Variants in RALYL observed in about 807,000 individuals in gnomAD.
The protein encoded by RALYL is RALY RNA binding protein like.
RALYL carries 29 observed loss-of-function variants against 35.1 expected under a neutral mutation model. The observed-to-expected ratio is 0.83, with a 90% CI of 0.61 to 1.13. RALYL has a LOEUF of 1.13. Among genes scored for constraint, RALYL ranks in the 50% most tolerant of loss-of-function variants. RALYL has a pLI of 0.00. For synonymous variants in RALYL, 120 were observed against 127.6 expected (o/e 0.94, Z 0.40); for missense variants, 359 against 360.4 (o/e 1.00, Z 0.03).
intron 1 of RALYL, among the ~76,000 whole-genome samples, chr8:84,524,923 A>G (rs570177748): frequency 3.3e-5 from 5 of 151,894 alleles, no homozygotes; most frequent in African/African-American, 7.3e-5. Flanking sequence ...CTAGGTTTGA[A>G]TGAAACATAA....
At position 84,843,415 on chromosome 8, in the gene RALYL, A is replaced by G. The variant is rs1401918870; in HGVS notation, c.366-6565A>G. On this transcript the variant is annotated intron_variant, in intron 4 of 8. Transcript: ENST00000521268. ...CCTAGGAATCCAACTTACAAGGGAT[A>G]TGAAGGACCTCTTCAAGGAGAACTA... Among the ~76,000 whole-genome samples, 20 of 152,250 alleles carry G rather than the reference A, an allele frequency of 1.3e-4. No individual in the cohort carries two copies. In the South Asian group the frequency reaches 3.7e-3, roughly 28 times the overall value.
At chr8:84,247,606 A>C (rs1275014302) in intron 1 of RALYL, among the ~76,000 whole-genome samples, 2 of 152,044 alleles carry the variant, frequency 1.3e-5, no homozygotes, top group East Asian at 1.9e-4. Flanking sequence ...GCAGGCTTTA[A>C]TTACTAGTGA....
At chr8:84,918,970 G>A (rs547742802) in intron 8 of RALYL, among the ~76,000 whole-genome samples, 1 of 151,966 alleles carries the variant, frequency 6.6e-6, no homozygotes, top group Non-Finnish European at 1.5e-5. Flanking sequence ...ATTATACTGG[G>A]GGTAATGAAT....
intron 1 of RALYL, among the ~76,000 whole-genome samples, chr8:84,464,703 A>G (rs896270899): frequency 6.6e-6 from 1 of 152,038 alleles, no homozygotes; most frequent in Non-Finnish European, 1.5e-5. Context: ...CTAGATCCCT[A>G]AGGAATCGCT....
At chr8:84,464,231 G>A (rs572346108) in intron 1 of RALYL, among the ~76,000 whole-genome samples, 33 of 151,090 alleles carry the variant, frequency 2.2e-4, no homozygotes, top group South Asian at 6.3e-4. Context: ...ATGCTGGTGC[G>A]CTGCATCCAC....
intron 1 of RALYL, among the ~76,000 whole-genome samples, chr8:84,481,860 A>G (rs901903400): frequency 1.1e-4 from 17 of 152,168 alleles, no homozygotes; most frequent in African/African-American, 3.6e-4. Context: ...TCTCAGTGGT[A>G]GAAATGTTCT....
chr8:84,657,409 A>G (rs1231937116), intron 2 of RALYL, among the ~76,000 whole-genome samples: 1 of 152,230 alleles, frequency 6.6e-6, no homozygotes, highest in Non-Finnish European at 1.5e-5. Context: ...CCCAGAATCC[A>G]AGTCTTACTC....
At chr8:84,664,263 ATTTTTTTTT>A (rs60423756) in intron 2 of RALYL, among the ~76,000 whole-genome samples, 1 of 58,034 alleles carries the variant, frequency 1.7e-5, no homozygotes, top group Non-Finnish European at 2.9e-5. Flanking sequence ...ATGCCTCTAG[ATTTTTTTTT>A]TTTTTTTTTT....
chr8:84,391,184 C>T (rs1297738774), intron 1 of RALYL, among the ~76,000 whole-genome samples: 2 of 152,116 alleles, frequency 1.3e-5, no homozygotes, highest in Admixed American at 1.3e-4. Context: ...GACTCTTTCT[C>T]TCTCAAAATA....
intron 2 of RALYL, among the ~76,000 whole-genome samples, chr8:84,552,817 T>A (rs1409390632): frequency 6.6e-6 from 1 of 152,046 alleles, no homozygotes. Flanking sequence ...ATTTAAAATA[T>A]TTCCATCAAA....
At chr8:84,463,389 C>CA (rs781259577) in intron 1 of RALYL, among the ~76,000 whole-genome samples, 4 of 152,030 alleles carry the variant, frequency 2.6e-5, no homozygotes, top group Non-Finnish European at 4.4e-5. Context: ...ATAAAATTAA[C>CA]ATTTGCCTGT....
chr8:84,529,484 A>C lies in RALYL; in HGVS notation c.163A>C (p.Lys55Gln). 6.2e-7 allele frequency: 1 copy of C among 1,613,870 alleles called. No homozygotes were observed. The highest frequency in any genetic ancestry group is 8.5e-7 in the Non-Finnish European group (1 of 1,179,854). ...AAAAATAGTTGGATGTTCCGTTCACAAAGGTTATGCATTTGTACAGTACAT... is the reference window on the plus strand; with the variant it reads ...AAAAATAGTTGGATGTTCCGTTCACCAAGGTTATGCATTTGTACAGTACAT... The part of the protein sequence containing the change: ...YGKIVGCSVH[K>Q]GYAFVQYMSE... The change falls in exon 2 of 9, where the codon AAA (lysine) becomes CAA (glutamine). Residue 55 changes from lysine to glutamine, a missense_variant. Transcript: ENST00000521268.
chr8:84,780,423 C>T (rs569252876), intron 3 of RALYL, among the ~76,000 whole-genome samples: 2 of 152,288 alleles, frequency 1.3e-5, no homozygotes, highest in East Asian at 1.9e-4. Flanking sequence ...ATACCAAAAA[C>T]GGTGTATATT....
At position 84,253,192 on chromosome 8, in the gene RALYL, T is replaced by G. The variant is rs1480575025; in HGVS notation, c.-24+68768T>G. The stretch of plus-strand genomic sequence containing the variant: ...AGTTCTGCAGTTTTTTTTTTTTTTT[T>G]TTTTTTTTTTTTTTTGAGACAGAAT... On this transcript the variant is annotated intron_variant, in intron 1 of 8. Coordinates refer to ENST00000521268, the MANE Select transcript of RALYL (RefSeq NM_173848.7). Among the ~76,000 whole-genome samples, 11 of 127,296 alleles carry G rather than the reference T, an allele frequency of 8.6e-5. No individual in the cohort carries two copies. The South Asian group carries it at 2.6e-3, about 31-fold the overall frequency. 83.5% of individuals were successfully genotyped at this position (127,296 alleles called of 152,430 possible).
At chr8:84,409,930 T>A (rs2043933819) in intron 1 of RALYL, among the ~76,000 whole-genome samples, 1 of 151,976 alleles carries the variant, frequency 6.6e-6, no homozygotes, top group African/African-American at 2.4e-5. Context: ...ACAAATGACA[T>A]GTCATTATTT....
intron 8 of RALYL, among the ~76,000 whole-genome samples, chr8:84,899,890 C>T (rs1845377218): frequency 1.3e-5 from 2 of 152,176 alleles, no homozygotes; most frequent in Admixed American, 1.3e-4. Context: ...AAAAGAGTCA[C>T]AAGTTCATAA....
intron 1 of RALYL, among the ~76,000 whole-genome samples, chr8:84,441,134 G>A (rs996332069): frequency 4.6e-5 from 7 of 151,990 alleles, no homozygotes; most frequent in African/African-American, 1.7e-4. Flanking sequence ...GCATATTAAT[G>A]TATAAAACAG....
intron 4 of RALYL, among the ~76,000 whole-genome samples, chr8:84,844,954 A>G (rs1229273222): frequency 6.7e-6 from 1 of 148,200 alleles, no homozygotes; most frequent in Non-Finnish European, 1.5e-5. Flanking sequence ...AACATCACAC[A>G]CCAGGGCCTG....
chr8:84,826,268 A>G (rs1829677024), intron 4 of RALYL, among the ~76,000 whole-genome samples: 1 of 149,322 alleles, frequency 6.7e-6, no homozygotes, highest in Non-Finnish European at 1.5e-5. Flanking sequence ...AAGTAACAAA[A>G]CTACACATGT....
Sources: allele counts gnomAD v4.1 joint callset (sites outside exome capture counted in the v4.1 genomes callset), GRCh38; gene constraint gnomAD v4.1.1; transcripts MANE v1.5; gene names NCBI Gene and HGNC (gene_info 2026-07-23, HGNC 2026-07-21).